Variants in GMPR observed in about 807,000 individuals in gnomAD.
The protein encoded by GMPR is GMP reductase 1.
A neutral mutation model predicts 38.4 loss-of-function variants in GMPR; 31 were observed. The observed-to-expected ratio is 0.81, with a 90% CI of 0.61 to 1.09. GMPR has a LOEUF of 1.09. Among genes scored for constraint, GMPR ranks in the 50% least tolerant of loss-of-function variants. The pLI is 0.00. For missense variants in GMPR, 468 were observed against 453.7 expected, an observed-to-expected ratio of 1.03 and a Z score of -0.29; for synonymous variants, 162 against 173.3, an observed-to-expected ratio of 0.93 and a Z score of 0.51.
intron 1 of GMPR, among the ~76,000 whole-genome samples, chr6:16,239,390 G>A (rs956789420): frequency 6.6e-6 from 1 of 152,190 alleles, no homozygotes; most frequent in African/African-American, 2.4e-5. Context: ...GCTTTGGGGT[G>A]AGAGAGGTGG....
intron 4 of GMPR, among the ~76,000 whole-genome samples, chr6:16,265,911 C>T (rs780594947): frequency 1.8e-4 from 28 of 152,306 alleles, no homozygotes; most frequent in South Asian, 8.3e-4. Flanking sequence ...CAAAGATGTG[C>T]AGTTTCACTC....
intron 6 of GMPR, among the ~76,000 whole-genome samples, chr6:16,284,448 C>A (rs1759636914): frequency 6.6e-6 from 1 of 152,094 alleles, no homozygotes; most frequent in African/African-American, 2.4e-5. Context: ...TTCTCTATTC[C>A]TTCCCAAAGT....
Position 16,241,168 on chromosome 6 carries a change from G to A in GMPR, c.87+2388G>A, listed in dbSNP as rs541703347. On this transcript the variant is annotated intron_variant, in intron 1 of 8. Coordinates refer to ENST00000259727, the MANE Select transcript of GMPR (RefSeq NM_006877.4). ...ATTGGAAACTGAAGGGTAGATGACC[G>A]ACATTGAGCCTAACAGCAGATTTGT... Among the ~76,000 whole-genome samples the A allele has an allele frequency of 7.2e-5, 11 of 152,232 alleles. No individual in the cohort carries two copies. The South Asian group carries it at 8.3e-4, about 11-fold the overall frequency.
intron 8 of GMPR, among the ~76,000 whole-genome samples, chr6:16,292,509 G>A (rs541815633): frequency 2.0e-5 from 3 of 152,250 alleles, no homozygotes; most frequent in African/African-American, 7.2e-5. Context: ...GGTAGCCCCC[G>A]AGGCCCTCTT....
chr6:16,262,691 TAA>T (rs1462345016), intron 4 of GMPR: 14 of 152,124 alleles, frequency 9.2e-5, no homozygotes, highest in African/African-American at 3.4e-4. Flanking sequence ...GCAGATTGGG[TAA>T]TAAAGTGTAT....
chr6:16,247,370 T>C (rs1418823418), intron 2 of GMPR, among the ~76,000 whole-genome samples: 2 of 151,428 alleles, frequency 1.3e-5, no homozygotes, highest in African/African-American at 4.9e-5. Context: ...CTGCAGATAA[T>C]GTATTTCTTT....
chr6:16,283,944 G>C (rs1419622746), intron 6 of GMPR, among the ~76,000 whole-genome samples: 2 of 152,296 alleles, frequency 1.3e-5, no homozygotes, highest in East Asian at 1.9e-4. Flanking sequence ...TTTTGAGGTT[G>C]TACCTTTGAA....
At chr6:16,285,017 C>CAAAAAAAAAAAAAAACAA (rs1759649008) in intron 6 of GMPR, among the ~76,000 whole-genome samples, 1 of 35,100 alleles carries the variant, frequency 2.8e-5, no homozygotes, top group African/African-American at 1.1e-4. Context: ...GAGACTGTCT[C>CAAAAAAAAAAAAAAACAA]AAAAAAAAAA....
intron 4 of GMPR, among the ~76,000 whole-genome samples, chr6:16,271,430 G>A (rs1011731335): frequency 2.0e-5 from 3 of 152,224 alleles, no homozygotes; most frequent in Non-Finnish European, 2.9e-5. Flanking sequence ...AGGCTGCGGC[G>A]AGCCATGTTT....
rs774529413 is a variant in GMPR, at chr6:16,295,077, G to A, written c.929G>A (p.Gly310Glu). 7 of 1,601,388 alleles carry A rather than the reference G, an allele frequency of 4.4e-6. No homozygotes were observed. Among genetic ancestry groups the A allele is most frequent in the Non-Finnish European group, 6.0e-6 (7 of 1,175,632 alleles). ...DVENTILDIL[G>E]GLRSTCTYVG... ...GAAAACACTATCCTGGATATTCTCG[G>A]GGGACTGAGGTCCACGTGCACCTAC... is the stretch of plus-strand genomic sequence containing the variant. Residue 310 changes from glycine to glutamate, a missense_variant, in exon 9 of 9, where the codon GGG becomes GAG. Physicochemically the swap from Gly to Glu is moderately conservative, Grantham distance 98. Transcript: ENST00000259727.
Position 16,254,623 on chromosome 6 carries a change from A to C in GMPR, c.353A>C (p.Glu118Ala). ...CTGGAAAAGATGACCAGCATCCTGGAAGCTGTGCCACAGGTTAAGTTTATT... is the reference window on the plus strand; with the variant it reads ...CTGGAAAAGATGACCAGCATCCTGGCAGCTGTGCCACAGGTTAAGTTTATT... ...NDLEKMTSIL[E>A]AVPQVKFICL... Residue 118 changes from glutamate to alanine, a missense_variant, in exon 4 of 9, where the codon GAA becomes GCA. By Grantham distance (107) the Glu-to-Ala change is moderately radical (BLOSUM62 -1). Coordinates refer to ENST00000259727, the MANE Select transcript of GMPR (RefSeq NM_006877.4). The C allele has an allele frequency of 6.2e-7, 1 of 1,613,748 alleles. No homozygotes were observed.
chr6:16,291,337 C>T (rs1318240759), intron 8 of GMPR, among the ~76,000 whole-genome samples: 2 of 152,008 alleles, frequency 1.3e-5, no homozygotes, highest in Admixed American at 1.3e-4. Flanking sequence ...GATTATCCTG[C>T]CTCAGCCTCC....
Position 16,274,700 on chromosome 6 carries a change from G to A in GMPR, c.547+204G>A, listed in dbSNP as rs1000658204. 3.3e-5 allele frequency among the ~76,000 whole-genome samples: 5 copies of A among 152,036 alleles called. No individual in the cohort carries two copies. The South Asian group carries it at 1.0e-3, about 32-fold the overall frequency. ...TTGAGCTGCTTTTTGATGCCCCCAG[G>A]GATTTTCTAAATTATGGTTAGAATA... On this transcript the variant is annotated intron_variant, in intron 5 of 8. Coordinates refer to ENST00000259727, the MANE Select transcript of GMPR (RefSeq NM_006877.4).
At chr6:16,243,414 T>A (rs1758690797) in intron 1 of GMPR, among the ~76,000 whole-genome samples, 1 of 152,112 alleles carries the variant, frequency 6.6e-6, no homozygotes, top group Admixed American at 6.5e-5. Flanking sequence ...TGGTGAGGCT[T>A]TCAGGGCTTG....
intron 4 of GMPR, among the ~76,000 whole-genome samples, chr6:16,266,949 C>T (rs1561827856): frequency 6.6e-6 from 1 of 151,658 alleles, no homozygotes; most frequent in African/African-American, 2.4e-5. Flanking sequence ...TGCGGCTTCA[C>T]TCCTGAAGTC....
intron 4 of GMPR, among the ~76,000 whole-genome samples, chr6:16,265,818 C>G (rs1441234931): frequency 6.6e-6 from 1 of 152,258 alleles, no homozygotes; most frequent in Non-Finnish European, 1.5e-5. Context: ...GGAACCCTTC[C>G]ACGCCATGGA....
chr6:16,253,585 C>A (rs1758915296), intron 3 of GMPR, among the ~76,000 whole-genome samples: 1 of 151,910 alleles, frequency 6.6e-6, no homozygotes, highest in Non-Finnish European at 1.5e-5. Context: ...CCCCCATGAC[C>A]CATACACCTC....
intron 8 of GMPR, 144 bp from the exon 9 acceptor site, chr6:16,294,862 T>G: frequency 1.5e-6 from 1 of 648,136 alleles, no homozygotes; most frequent in Middle Eastern, 4.0e-4. Context: ...TTGGTAGAAA[T>G]GTGGGGATGG....
chr6:16,274,965 C>T (rs946951419), intron 5 of GMPR, among the ~76,000 whole-genome samples: 3 of 152,106 alleles, frequency 2.0e-5, no homozygotes, highest in Non-Finnish European at 4.4e-5. Context: ...TAATGATCAC[C>T]TTTGGTTACT....
Sources: allele counts gnomAD v4.1 joint callset (sites outside exome capture counted in the v4.1 genomes callset), GRCh38; gene constraint gnomAD v4.1.1; transcripts MANE v1.5; gene names NCBI Gene and HGNC (gene_info 2026-07-23, HGNC 2026-07-21).